SH2D4A: variants seen among roughly 807,000 people sequenced by gnomAD.
SH2D4A encodes SH2 domain-containing protein 4A.
SH2D4A carries 70 observed loss-of-function variants against 64.7 expected under a neutral mutation model. That is an observed-to-expected ratio of 1.08 (90% CI 0.89 to 1.32). The LOEUF is 1.32. Among genes scored for constraint, SH2D4A ranks in the 40% most tolerant of loss-of-function variants. SH2D4A has a pLI of 0.00. For missense variants in SH2D4A, 706 were observed against 540.1 expected (o/e 1.31, Z -3.04); for synonymous variants, 268 against 200.7 (o/e 1.34, Z -2.83).
intron 4 of SH2D4A, among the ~76,000 whole-genome samples, chr8:19,347,719 T>TA (rs1368668680): frequency 3.9e-5 from 6 of 152,100 alleles, no homozygotes; most frequent in Non-Finnish European, 7.4e-5. Context: ...AAACAGGAGA[T>TA]AAAAAAATTA....
At chr8:19,316,693 A>T (rs1053186891) in intron 1 of SH2D4A, among the ~76,000 whole-genome samples, 1 of 152,168 alleles carries the variant, frequency 6.6e-6, no homozygotes, top group South Asian at 2.1e-4. Context: ...AATTTCATAC[A>T]TGGCACCACA....
chr8:19,393,293 C>T (rs750813157), intron 8 of SH2D4A, 25 bp from the exon 9 acceptor site: 12 of 1,610,370 alleles, frequency 7.5e-6, no homozygotes, highest in Non-Finnish European at 1.0e-5. Context: ...GGCTGAAATA[C>T]CTGCCTTTTT....
At chr8:19,322,302 G>A (rs2052204917) in intron 2 of SH2D4A, among the ~76,000 whole-genome samples, 1 of 152,218 alleles carries the variant, frequency 6.6e-6, no homozygotes, top group East Asian at 1.9e-4. Context: ...CAGGTCACTC[G>A]TGCATCTGAT....
intron 8 of SH2D4A, among the ~76,000 whole-genome samples, chr8:19,390,957 T>C (rs2053482693): frequency 6.6e-6 from 1 of 152,226 alleles, no homozygotes; most frequent in Non-Finnish European, 1.5e-5. Context: ...AATTTCCAGA[T>C]GTCATAAATT....
chr8:19,391,277 G>A (rs2053488162), intron 8 of SH2D4A, among the ~76,000 whole-genome samples: 2 of 152,170 alleles, frequency 1.3e-5, no homozygotes, highest in Admixed American at 6.5e-5. Context: ...TAGACAAACA[G>A]AAGGAGCAGC....
At chr8:19,336,197 G>T (rs1043853426) in intron 4 of SH2D4A, among the ~76,000 whole-genome samples, 5 of 152,230 alleles carry the variant, frequency 3.3e-5, no homozygotes, top group Middle Eastern at 3.4e-3. Context: ...CCTGCCCAAG[G>T]TCTTATTCAA....
intron 8 of SH2D4A, among the ~76,000 whole-genome samples, chr8:19,380,099 C>T (rs565931761): frequency 1.8e-4 from 27 of 152,132 alleles, no homozygotes; most frequent in African/African-American, 6.5e-4. Flanking sequence ...TATGTCATTA[C>T]GGTTTTGAGT....
chr8:19,370,834 C>T (rs1238227156), intron 7 of SH2D4A, among the ~76,000 whole-genome samples: 2 of 152,026 alleles, frequency 1.3e-5, no homozygotes, highest in Non-Finnish European at 2.9e-5. Context: ...TGTGGTTAGG[C>T]ACTTTTCTCT....
At position 19,393,298 on chromosome 8, in the gene SH2D4A, CT is replaced by C. The variant is rs756161390; in HGVS notation, c.1049-13del. 3 of 1,612,462 alleles carry C rather than the reference CT, an allele frequency of 1.9e-6. No individual in the cohort carries two copies. Among genetic ancestry groups the C allele is most frequent in the South Asian group, 1.1e-5 (1 of 91,064 alleles). ...GGAATGATTTGGCTGAAATACCTGC[CT>C]TTTTTTGCTTTGCCACAGGAATTCT... On this transcript the variant is annotated intron_variant, in intron 8 of 9. Coordinates refer to ENST00000265807, the MANE Select transcript of SH2D4A (RefSeq NM_022071.4).
Position 19,378,936 on chromosome 8 carries a change from G to T in SH2D4A, c.1048+5276G>T, listed in dbSNP as rs1410839064. 2.2e-5 allele frequency among the ~76,000 whole-genome samples: 3 copies of T among 134,012 alleles called. No individual in the cohort carries two copies. The South Asian group carries it at 6.8e-4, about 30-fold the overall frequency. 87.9% of individuals were successfully genotyped at this position (134,012 alleles called of 152,430 possible). On this transcript the variant is annotated intron_variant, in intron 8 of 9. Transcript: ENST00000265807. ...CAAAAAAAAAAAAAAAAAAAATATTGCCAGGCATGGCGGTGCATGCCTGTA... is the reference window on the plus strand; with the variant it reads ...CAAAAAAAAAAAAAAAAAAAATATTTCCAGGCATGGCGGTGCATGCCTGTA...
chr8:19,351,376 G>T (rs1000202199), intron 4 of SH2D4A, among the ~76,000 whole-genome samples: 8 of 152,126 alleles, frequency 5.3e-5, no homozygotes, highest in Non-Finnish European at 8.8e-5. Flanking sequence ...GGCCGAGGCG[G>T]GTGGATCACA....
intron 8 of SH2D4A, among the ~76,000 whole-genome samples, chr8:19,392,733 CT>C (rs543187473): frequency 6.0e-4 from 89 of 147,904 alleles, no homozygotes; most frequent in Middle Eastern, 3.5e-3. Flanking sequence ...AAATATATTC[CT>C]TTTTTTTTTG....
chr8:19,368,963 A>AT (rs2053049148), intron 7 of SH2D4A, among the ~76,000 whole-genome samples: 3 of 152,058 alleles, frequency 2.0e-5, no homozygotes, highest in Non-Finnish European at 2.9e-5. Flanking sequence ...GTAAACTGTG[A>AT]TTTTGTCATA....
At chr8:19,373,442 GTGTATATA>G in intron 7 of SH2D4A, 80 bp from the exon 8 acceptor site, 1 of 796,330 alleles carries the variant, frequency 1.3e-6, no homozygotes, top group South Asian at 3.4e-5. Flanking sequence ...GTATGTGTGT[GTGTATATA>G]TATATATATA....
At chr8:19,342,656 G>A (rs937961588) in intron 4 of SH2D4A, among the ~76,000 whole-genome samples, 8 of 152,116 alleles carry the variant, frequency 5.3e-5, no homozygotes, top group African/African-American at 1.7e-4. Flanking sequence ...TGATTCACAG[G>A]GGGAGCTGGG....
At chr8:19,368,003 AT>A (rs1333622939) in intron 7 of SH2D4A, among the ~76,000 whole-genome samples, 10 of 152,142 alleles carry the variant, frequency 6.6e-5, no homozygotes, top group Non-Finnish European at 1.5e-4. Flanking sequence ...GGCCTCATAT[AT>A]TCAAGTCTTT....
Position 19,325,694 on chromosome 8 carries a change from T to A in SH2D4A, c.181+5966T>A, listed in dbSNP as rs145483622. 5.3e-4 allele frequency among the ~76,000 whole-genome samples: 81 copies of A among 152,336 alleles called. 1 individual carries two copies. The highest frequency in any genetic ancestry group is 1.8e-3 in the African/African-American group (76 of 41,584). On this transcript the variant is annotated intron_variant, in intron 2 of 9. Coordinates refer to ENST00000265807, the MANE Select transcript of SH2D4A (RefSeq NM_022071.4). ...TATACTGCCCTCTGCTTCCCTAGGC[T>A]GTAGTGCCATGCAGGTTCCCCAACT...
In SH2D4A at chr8:19,319,494, A is replaced by C; in HGVS notation, c.-54A>C. 7.1e-7 allele frequency: 1 copy of C among 1,412,210 alleles called. No homozygotes were observed. Among genetic ancestry groups the C allele is most frequent in the Non-Finnish European group, 9.3e-7 (1 of 1,077,298 alleles). The allele number at this position is 1,412,210 out of a possible 1,614,324, so 87.5% of individuals were successfully genotyped here. On this transcript the variant is annotated 5_prime_UTR_variant, in exon 2 of 10. Transcript: ENST00000265807. The stretch of plus-strand genomic sequence containing the variant: ...CCAGCACAGGTGGAGGGACACCTGG[A>C]GGCCAGTTTCAGGAACTTTTGCCAC...
chr8:19,313,968 C>A (rs1352549859), intron 1 of SH2D4A, 145 bp downstream of exon 1: 5 of 1,258,376 alleles, frequency 4.0e-6, no homozygotes, highest in African/African-American at 1.6e-5. Context: ...CCCGCCTCCA[C>A]CCCTTCGCGG....
Sources: gnomAD v4.1 joint callset for allele counts (sites outside exome capture counted in the v4.1 genomes callset) on GRCh38, gnomAD v4.1.1 for gene constraint, MANE v1.5 for transcripts, NCBI Gene and HGNC (gene_info 2026-07-23, HGNC 2026-07-21) for gene names.